Variants in TJP1 observed in about 807,000 individuals in gnomAD.
TJP1 encodes tight junction protein 1.
Under a neutral mutation model 194.2 loss-of-function variants are expected in TJP1, and 43 were observed. The ratio of observed to expected loss-of-function variants is 0.22; its 90% CI spans 0.17 to 0.29. The LOEUF (loss-of-function observed/expected upper bound fraction) is 0.29, where lower values mean the gene tolerates loss of function less well. TJP1 is among the 10% of genes least tolerant of loss of function. The probability of loss-of-function intolerance (pLI) is 1.00; values close to 1 mark genes in which losing one functional copy is unlikely to be tolerated. For synonymous variants in TJP1, 801 were observed against 779.0 expected (o/e 1.03, Z -0.47); for missense variants, 1,971 against 2,185.7 (o/e 0.90, Z 1.96).
intron 2 of TJP1, among the ~76,000 whole-genome samples, chr15:29,840,381 T>C (rs115659823): frequency 0.048 from 7,286 of 152,320 alleles, 182 homozygotes; most frequent in South Asian, 0.076. Context: ...TTGTCCATCA[T>C]TTTTAAACAC....
At chr15:29,808,613 G>C (rs1306217287) in intron 1 of TJP1, among the ~76,000 whole-genome samples, 2 of 152,100 alleles carry the variant, frequency 1.3e-5, no homozygotes, top group African/African-American at 4.8e-5. Context: ...AATGATAAGT[G>C]CTGGCAGAAC....
At chr15:29,824,445 AATCATCATC>A (rs34399157), upstream of TJP1, among the ~76,000 whole-genome samples, 55 of 145,910 alleles carry the variant, frequency 3.8e-4, no homozygotes, top group African/African-American at 1.0e-3. Context: ...CTCCGTCTCA[AATCATCATC>A]ATCATCATCA....
intron 15 of TJP1, among the ~76,000 whole-genome samples, chr15:29,731,882 T>C (rs370692615): frequency 2.3e-4 from 35 of 152,232 alleles, no homozygotes; most frequent in African/African-American, 7.9e-4. Context: ...GCAGCCTCAA[T>C]ACTTATACTT....
intron 2 of TJP1, among the ~76,000 whole-genome samples, chr15:29,871,121 C>T (rs947992824): frequency 7.9e-5 from 12 of 152,162 alleles, no homozygotes; most frequent in Non-Finnish European, 1.3e-4. Context: ...CCTCTAAAGA[C>T]GGCACTGAAC....
chr15:29,914,859 C>T (rs1041043684), intron 2 of TJP1, among the ~76,000 whole-genome samples: 7 of 138,650 alleles, frequency 5.0e-5, no homozygotes, highest in Admixed American at 3.6e-4. Context: ...GCAACACACA[C>T]ACATACACAC....
At chr15:29,814,292 C>CT (rs1358982970) in intron 1 of TJP1, among the ~76,000 whole-genome samples, 2 of 152,178 alleles carry the variant, frequency 1.3e-5, no homozygotes, top group African/African-American at 4.8e-5. Context: ...AATGCAAATC[C>CT]TTTGTTTCTT....
chr15:29,792,243 C>T (rs967339094), intron 2 of TJP1, among the ~76,000 whole-genome samples: 1 of 152,140 alleles, frequency 6.6e-6, no homozygotes, highest in Non-Finnish European at 1.5e-5. Flanking sequence ...AGTCTCATAA[C>T]TTCAGGTGCT....
At chr15:29,763,114 CA>C (rs1360339167) in intron 5 of TJP1, among the ~76,000 whole-genome samples, 2 of 152,088 alleles carry the variant, frequency 1.3e-5, no homozygotes, top group Non-Finnish European at 2.9e-5. Context: ...GGCTTACAAC[CA>C]GCCAGGCAGA....
intron 2 of TJP1, among the ~76,000 whole-genome samples, chr15:29,886,030 C>T (rs1476051013): frequency 2.0e-5 from 3 of 152,172 alleles, no homozygotes; most frequent in Admixed American, 1.3e-4. Context: ...AAGTTCCACT[C>T]GACAATTTCA....
chr15:29,772,708 T>C (rs1194074246), intron 3 of TJP1, among the ~76,000 whole-genome samples: 3 of 152,224 alleles, frequency 2.0e-5, no homozygotes, highest in African/African-American at 7.2e-5. Flanking sequence ...ATTTTTACAG[T>C]TACACATTCT....
upstream of TJP1, chr15:29,822,514 G>A: frequency 1.0e-6 from 1 of 984,902 alleles, no homozygotes; most frequent in Non-Finnish European, 1.2e-6. Context: ...GCCCGGCGGG[G>A]GCGGGGCTGG....
intron 2 of TJP1, among the ~76,000 whole-genome samples, chr15:29,828,238 A>G (rs1376898314): frequency 2.0e-5 from 3 of 152,174 alleles, no homozygotes; most frequent in Admixed American, 2.0e-4. Context: ...GATAATATTT[A>G]TATTCCATAA....
chr15:29,722,915 A>C (rs748776348), intron 18 of TJP1, among the ~76,000 whole-genome samples: 2 of 152,210 alleles, frequency 1.3e-5, no homozygotes, highest in Non-Finnish European at 2.9e-5. Flanking sequence ...TAATCTACTT[A>C]CTTTTGGAAT....
intron 15 of TJP1, among the ~76,000 whole-genome samples, chr15:29,730,526 G>T (rs1425931593): frequency 6.6e-6 from 1 of 151,724 alleles, no homozygotes; most frequent in South Asian, 2.1e-4. Flanking sequence ...GAACCCATGA[G>T]TTTGGGACTA....
At chr15:29,836,072 T>C (rs962064514) in intron 2 of TJP1, among the ~76,000 whole-genome samples, 2 of 152,202 alleles carry the variant, frequency 1.3e-5, no homozygotes, top group Non-Finnish European at 1.5e-5. Flanking sequence ...CTTGTGGCAC[T>C]AAATCCAGAG....
At chr15:29,797,528 GA>G (rs550178289) in intron 2 of TJP1, among the ~76,000 whole-genome samples, 145 of 148,028 alleles carry the variant, frequency 9.8e-4, no homozygotes, top group African/African-American at 3.4e-3. Context: ...CACAGAATGG[GA>G]AAAAAATACT....
At chr15:29,813,130 T>C (rs1295775168) in intron 1 of TJP1, among the ~76,000 whole-genome samples, 3 of 152,210 alleles carry the variant, frequency 2.0e-5, no homozygotes, top group East Asian at 1.9e-4. Context: ...TTGTGGCTTT[T>C]GGTGGTCTGA....
chr15:29,938,414 A>C (rs1040483117), intron 2 of TJP1, among the ~76,000 whole-genome samples: 12 of 133,324 alleles, frequency 9.0e-5, no homozygotes, highest in African/African-American at 3.0e-4. Context: ...AAATGATATC[A>C]AAGCATAATT....
intron 8 of TJP1, among the ~76,000 whole-genome samples, chr15:29,757,714 T>C (rs566347551): frequency 2.0e-5 from 3 of 152,310 alleles, no homozygotes; most frequent in African/African-American, 7.2e-5. Flanking sequence ...CCTTCTGTAG[T>C]TGAAGTTACC....
Sources: allele counts gnomAD v4.1 joint callset (sites outside exome capture counted in the v4.1 genomes callset), GRCh38; gene constraint gnomAD v4.1.1; transcripts MANE v1.5; gene names NCBI Gene and HGNC (gene_info 2026-07-23, HGNC 2026-07-21).